PRTFDC1: variants seen among roughly 807,000 people sequenced by gnomAD.
PRTFDC1 encodes the protein phosphoribosyl transferase domain containing 1.
A neutral mutation model predicts 34.6 loss-of-function variants in PRTFDC1; 38 were observed. The ratio of observed to expected loss-of-function variants is 1.10; its 90% confidence interval spans 0.85 to 1.44. The LOEUF (loss-of-function observed/expected upper bound fraction) is 1.44, where lower values mean the gene tolerates loss of function less well. PRTFDC1 is among the 40% of genes most tolerant of loss of function. PRTFDC1 has a pLI of 0.00. For synonymous variants in PRTFDC1, 93 were observed against 98.1 expected (o/e 0.95, Z 0.31); for missense variants, 270 against 283.0 (o/e 0.95, Z 0.33).
chr10:24,937,419 T>A lies in PRTFDC1; in HGVS notation c.156-52A>T, dbSNP rs749623012. ...AGGCACAACTACTTCTGAGTATTTA[T>A]GTTGCTTTAATGAAATGCAAGATGT... On this transcript the variant is annotated intron_variant, in intron 2 of 8. Coordinates refer to ENST00000320152, the MANE Select transcript of PRTFDC1 (RefSeq NM_020200.7). 5 of 1,499,752 alleles carry A rather than the reference T, an allele frequency of 3.3e-6. No homozygotes were observed. The East Asian group carries it at 1.1e-4, about 34-fold the overall frequency. The allele number at this position is 1,499,752 out of a possible 1,614,324, so 92.9% of individuals were successfully genotyped here.
intron 3 of PRTFDC1, among the ~76,000 whole-genome samples, chr10:24,919,018 G>A (rs1274811383): frequency 6.6e-6 from 1 of 151,998 alleles, no homozygotes; most frequent in Non-Finnish European, 1.5e-5. Flanking sequence ...CATGTAAAAT[G>A]GGGATAATAA....
chr10:24,917,541 C>T (rs1848712922), intron 3 of PRTFDC1, among the ~76,000 whole-genome samples: 2 of 152,124 alleles, frequency 1.3e-5, no homozygotes. Flanking sequence ...TCTGTTCTCG[C>T]TCTATTTTCT....
chr10:24,927,529 G>A (rs1198212763), intron 3 of PRTFDC1, among the ~76,000 whole-genome samples: 1 of 151,414 alleles, frequency 6.6e-6, no homozygotes, highest in African/African-American at 2.4e-5. Flanking sequence ...TAGCTTCAAA[G>A]GAAATACCCA....
At chr10:24,850,325 T>C (rs1419971949) in intron 8 of PRTFDC1, among the ~76,000 whole-genome samples, 1 of 152,108 alleles carries the variant, frequency 6.6e-6, no homozygotes, top group Non-Finnish European at 1.5e-5. Flanking sequence ...GGGGCCAGGC[T>C]AATGTAAGCA....
chr10:24,941,845 G>A (rs977677575), intron 2 of PRTFDC1, among the ~76,000 whole-genome samples: 1 of 152,106 alleles, frequency 6.6e-6, no homozygotes, highest in African/African-American at 2.4e-5. Flanking sequence ...ACAAAAAAAG[G>A]TTGCTTTAAT....
intron 2 of PRTFDC1, among the ~76,000 whole-genome samples, chr10:24,941,401 G>A (rs1849156169): frequency 6.6e-6 from 1 of 150,466 alleles, no homozygotes; most frequent in Non-Finnish European, 1.5e-5. Context: ...CAAGATCTCA[G>A]TATTTGAGAT....
intron 4 of PRTFDC1, among the ~76,000 whole-genome samples, chr10:24,869,798 C>T (rs571571704): frequency 9.2e-5 from 14 of 152,214 alleles, no homozygotes; most frequent in Non-Finnish European, 1.9e-4. Flanking sequence ...TTTCTCTCCA[C>T]CTCTCAACTA....
intron 4 of PRTFDC1, among the ~76,000 whole-genome samples, chr10:24,860,051 T>C (rs1359046899): frequency 6.6e-6 from 1 of 152,210 alleles, no homozygotes. Context: ...TTTCTTCAGA[T>C]GATGTTTCAT....
intron 3 of PRTFDC1, among the ~76,000 whole-genome samples, chr10:24,913,658 C>T (rs2132572628): frequency 6.6e-6 from 1 of 152,322 alleles, no homozygotes; most frequent in East Asian, 1.9e-4. Flanking sequence ...TTCAATGCCC[C>T]TATTACAATG....
chr10:24,856,858 CT>C, intron 6 of PRTFDC1, 54 bp downstream of exon 6: 1 of 1,459,346 alleles, frequency 6.9e-7, no homozygotes, highest in Non-Finnish European at 9.6e-7. Flanking sequence ...GTTAGCATCC[CT>C]TTTGGGCTTG....
intron 3 of PRTFDC1, among the ~76,000 whole-genome samples, chr10:24,920,659 C>T (rs781393283): frequency 5.9e-5 from 9 of 152,106 alleles, no homozygotes; most frequent in East Asian, 1.9e-4. Flanking sequence ...CAAACCTGCA[C>T]GTCCTGCACA....
intron 3 of PRTFDC1, among the ~76,000 whole-genome samples, chr10:24,882,215 A>AAAAAAAAAAAG (rs533339656): frequency 2.7e-5 from 4 of 147,022 alleles, no homozygotes; most frequent in Non-Finnish European, 4.5e-5. Context: ...AAAAAAAAAA[A>AAAAAAAAAAAG]AAAAGAAAAG....
Position 24,886,079 on chromosome 10 carries a change from A to T in PRTFDC1, c.340-14016T>A, listed in dbSNP as rs529326058. Among the ~76,000 whole-genome samples the T allele has an allele frequency of 6.6e-5, 10 of 152,354 alleles. No individual in the cohort carries two copies. The South Asian group carries it at 1.9e-3, about 28-fold the overall frequency. ...CTCCAGTGGATTGATATCATCATAC[A>T]GATCTAAACTCATAGAATATACATC... On this transcript the variant is annotated intron_variant, in intron 3 of 8. Transcript: ENST00000320152.
chr10:24,892,468 GT>G (rs142079125), intron 3 of PRTFDC1, among the ~76,000 whole-genome samples: 2,856 of 151,752 alleles, frequency 0.019, 79 homozygotes, highest in African/African-American at 0.065. Flanking sequence ...ATCCCATCTG[GT>G]TTTGATTTGC....
At chr10:24,927,861 C>T (rs911550687) in intron 3 of PRTFDC1, among the ~76,000 whole-genome samples, 8 of 151,960 alleles carry the variant, frequency 5.3e-5, no homozygotes, top group Admixed American at 2.0e-4. Context: ...ATCCTACAGG[C>T]GTGAGCTATT....
At chr10:24,872,731 T>G (rs914866745) in intron 3 of PRTFDC1, among the ~76,000 whole-genome samples, 1 of 147,938 alleles carries the variant, frequency 6.8e-6, no homozygotes, top group Non-Finnish European at 1.5e-5. Flanking sequence ...ACAAAATATA[T>G]ATATATATAC....
intron 4 of PRTFDC1, among the ~76,000 whole-genome samples, chr10:24,859,115 G>A (rs1353021987): frequency 2.0e-5 from 3 of 151,850 alleles, no homozygotes; most frequent in South Asian, 2.1e-4. Context: ...ACTGGATCAC[G>A]GGGGTGGGTC....
intron 6 of PRTFDC1, 117 bp downstream of exon 6, chr10:24,856,796 G>A (rs1847585238): frequency 2.1e-6 from 2 of 936,376 alleles, no homozygotes; most frequent in East Asian, 5.0e-5. Context: ...TACCCCAGGG[G>A]AAAAGGTCAC....
At chr10:24,880,241 T>C (rs1848042945) in intron 3 of PRTFDC1, among the ~76,000 whole-genome samples, 2 of 151,598 alleles carry the variant, frequency 1.3e-5, no homozygotes. Context: ...TTTAGTATTT[T>C]TTTTTCTTTT....
Sources: gnomAD v4.1 joint callset for allele counts (sites outside exome capture counted in the v4.1 genomes callset) on GRCh38, gnomAD v4.1.1 for gene constraint, MANE v1.5 for transcripts, NCBI Gene and HGNC (gene_info 2026-07-23, HGNC 2026-07-21) for gene names.